The following MSH3 variants were observed in gnomAD, a reference collection of about 807,000 sequenced individuals.
MSH3 encodes the protein mutS homolog 3.
In MSH3, 106 loss-of-function variants were observed where a neutral mutation model predicts 123.3. The observed-to-expected ratio is 0.86, with a 90% CI of 0.73 to 1.01. MSH3 has a LOEUF of 1.01. Ranked by LOEUF, MSH3 falls within the 50% of genes least tolerant of loss-of-function variation. MSH3 has a pLI of 0.00. For missense variants in MSH3, 1,459 were observed against 1,347.6 expected (o/e 1.08, Z -1.29); for synonymous variants, 515 against 481.4 (o/e 1.07, Z -0.91).
chr5:80,776,954 CAG>C (rs1744316247), intron 16 of MSH3, among the ~76,000 whole-genome samples: 2 of 133,272 alleles, frequency 1.5e-5, no homozygotes, highest in Admixed American at 1.6e-4. Flanking sequence ...TTTTTTAAGA[CAG>C]AGTCTCTTTT....
intron 19 of MSH3, among the ~76,000 whole-genome samples, chr5:80,807,607 C>T (rs148903221): frequency 1.8e-4 from 27 of 152,292 alleles, no homozygotes; most frequent in African/African-American, 6.3e-4. Context: ...TGTGTTACAT[C>T]AGTTTATTGT....
chr5:80,851,251 T>C lies in MSH3; in HGVS notation c.2814-2879T>C, dbSNP rs561314736. On this transcript the variant is annotated intron_variant, in intron 20 of 23. Transcript: ENST00000265081. Reference sequence around the variant, plus strand: ...TGAAATTTATAGGTCATGAAAGATTTCTAATAGACATTGCTAAATTGTCTT... The same window carrying C: ...TGAAATTTATAGGTCATGAAAGATTCCTAATAGACATTGCTAAATTGTCTT... Among the ~76,000 whole-genome samples the C allele has an allele frequency of 2.0e-5, 3 of 152,318 alleles. No homozygotes were observed. In the South Asian group the frequency reaches 6.2e-4, roughly 32 times the overall value.
intron 20 of MSH3, among the ~76,000 whole-genome samples, chr5:80,816,098 T>C (rs1197083541): frequency 6.6e-6 from 1 of 152,202 alleles, no homozygotes; most frequent in South Asian, 2.1e-4. Flanking sequence ...TATTCATTCA[T>C]CCAACATGTA....
intron 12 of MSH3, among the ~76,000 whole-genome samples, chr5:80,749,779 A>G (rs1743799571): frequency 6.6e-6 from 1 of 152,110 alleles, no homozygotes; most frequent in Non-Finnish European, 1.5e-5. Flanking sequence ...CATTAACTAT[A>G]GTCACCGTAC....
At chr5:80,795,724 A>G (rs1744689034) in intron 19 of MSH3, among the ~76,000 whole-genome samples, 1 of 152,240 alleles carries the variant, frequency 6.6e-6, no homozygotes, top group African/African-American at 2.4e-5. Flanking sequence ...AAACAAGTTA[A>G]TAAGTACCAA....
chr5:80,764,075 A>T (rs903197731), intron 13 of MSH3, among the ~76,000 whole-genome samples: 2 of 152,234 alleles, frequency 1.3e-5, no homozygotes, highest in Non-Finnish European at 2.9e-5. Context: ...AATGTTTTAT[A>T]GATTAGTTGG....
At chr5:80,694,159 C>T (rs891777014) in intron 8 of MSH3, among the ~76,000 whole-genome samples, 5 of 152,150 alleles carry the variant, frequency 3.3e-5, no homozygotes, top group African/African-American at 9.7e-5. Context: ...AACAGCTTTC[C>T]ATACTGTAAA....
chr5:80,672,439 T>A lies in MSH3; in HGVS notation c.909+79T>A, dbSNP rs1650648. The stretch of plus-strand genomic sequence containing the variant: ...AGTGCAAACGTGTTTTGTAAGGTGG[T>A]AGGTAGGCTTCAATTGGTTTAGAAT... On this transcript the variant is annotated intron_variant, in intron 5 of 23. Transcript: ENST00000265081. The A allele has an allele frequency of 0.25, 259,891 of 1,034,724 alleles. 34,915 individuals are homozygous for A. Among genetic ancestry groups the A allele is most frequent in the Middle Eastern group, 0.41 (2,026 of 4,932 alleles). 64.1% of individuals were successfully genotyped at this position (1,034,724 alleles called of 1,614,324 possible).
rs1021498665 is a variant in MSH3, at chr5:80,718,632, G to C, written c.1341-6821G>C. Among the ~76,000 whole-genome samples the C allele has an allele frequency of 3.3e-5, 5 of 151,196 alleles. No homozygotes were observed. The East Asian group carries it at 9.7e-4, about 29-fold the overall frequency. On this transcript the variant is annotated intron_variant, in intron 8 of 23. Transcript: ENST00000265081. Reference sequence around the variant, plus strand: ...CTGTAAATTGGTAGTTGAATTGAGAGGCTTAATAAAATTCAGGTTTTTTTT... The same window carrying C: ...CTGTAAATTGGTAGTTGAATTGAGACGCTTAATAAAATTCAGGTTTTTTTT...
chr5:80,747,265 C>T (rs576361373), intron 12 of MSH3, among the ~76,000 whole-genome samples: 3 of 152,196 alleles, frequency 2.0e-5, no homozygotes, highest in Admixed American at 6.5e-5. Context: ...TTCTTCATTT[C>T]CAATGTTAAA....
chr5:80,672,969 G>C (rs1022159921), intron 6 of MSH3, 111 bp downstream of exon 6: 2 of 823,874 alleles, frequency 2.4e-6, no homozygotes, highest in Non-Finnish European at 4.2e-6. Flanking sequence ...CTTTTTAGAT[G>C]AGCTGAGAGG....
intron 12 of MSH3, among the ~76,000 whole-genome samples, chr5:80,744,953 AGCTGG>A (rs1743688391): frequency 6.6e-6 from 1 of 152,140 alleles, no homozygotes; most frequent in Non-Finnish European, 1.5e-5. Flanking sequence ...ATATCATCAG[AGCTGG>A]GCTTGTGTGT....
chr5:80,691,689 A>G (rs555645958), intron 8 of MSH3, among the ~76,000 whole-genome samples: 29 of 150,458 alleles, frequency 1.9e-4, no homozygotes, highest in African/African-American at 6.8e-4. Flanking sequence ...GTAAGACAGC[A>G]CTGAAAGACT....
chr5:80,739,742 G>A (rs1474798244), intron 10 of MSH3, among the ~76,000 whole-genome samples: 1 of 152,232 alleles, frequency 6.6e-6, no homozygotes, highest in African/African-American at 2.4e-5. Flanking sequence ...CCAAAGGACA[G>A]CATTGAGTTA....
rs1222921813 is a variant in MSH3 at position 80,691,993 on chromosome 5, T to TTAGA, written c.1340+12907_1340+12910dup. Among the ~76,000 whole-genome samples, 122 of 76,670 alleles carry TTAGA rather than the reference T, an allele frequency of 1.6e-3. 18 individuals carry two copies. Among genetic ancestry groups the TTAGA allele is most frequent in the Non-Finnish European group, 2.2e-3 (67 of 30,778 alleles). 50.3% of individuals were successfully genotyped at this position (76,670 alleles called of 152,430 possible). On this transcript the variant is annotated intron_variant, in intron 8 of 23. Coordinates refer to ENST00000265081, the MANE Select transcript of MSH3 (RefSeq NM_002439.5). ...TTTATATAGATAAACATGTATATGT[T>TTAGA]TAGATAGATAAACATGTATATGTTT...
intron 2 of MSH3, among the ~76,000 whole-genome samples, chr5:80,662,195 T>G (rs1749450604): frequency 6.6e-6 from 1 of 152,214 alleles, no homozygotes; most frequent in Admixed American, 6.5e-5. Context: ...TTCAGTACAG[T>G]AACATGCTAT....
At chr5:80,771,534 A>G (rs1436042035) in intron 15 of MSH3, among the ~76,000 whole-genome samples, 2 of 151,730 alleles carry the variant, frequency 1.3e-5, no homozygotes, top group African/African-American at 4.8e-5. Context: ...TACTTAAAGG[A>G]CTAGGAACAG....
chr5:80,729,652 G>A (rs6151735), intron 10 of MSH3, among the ~76,000 whole-genome samples: 11,457 of 152,036 alleles, frequency 0.075, 488 homozygotes, highest in Non-Finnish European at 0.093. Context: ...AGACCATGAA[G>A]TTAGAGATAA....
intron 8 of MSH3, among the ~76,000 whole-genome samples, chr5:80,683,291 C>G (rs1302646231): frequency 6.6e-6 from 1 of 152,008 alleles, no homozygotes; most frequent in Non-Finnish European, 1.5e-5. Context: ...TCAAACTACT[C>G]TCCATAGTGG....
Sources: gnomAD v4.1 joint callset for allele counts (sites outside exome capture counted in the v4.1 genomes callset) on GRCh38, gnomAD v4.1.1 for gene constraint, MANE v1.5 for transcripts, NCBI Gene and HGNC (gene_info 2026-07-23, HGNC 2026-07-21) for gene names.